The following SLC9B1 variants were observed in gnomAD, a reference collection of about 807,000 sequenced individuals.
SLC9B1 encodes the protein solute carrier family 9 member B1.
A neutral mutation model predicts 51.7 loss-of-function variants in SLC9B1; 32 were observed. That is an observed-to-expected ratio of 0.62 (90% CI 0.47 to 0.83). SLC9B1 has a LOEUF of 0.83. Ranked by LOEUF, SLC9B1 falls within the 40% of genes least tolerant of loss-of-function variation. The pLI, the probability that SLC9B1 is intolerant of heterozygous loss-of-function variation, is 0.00. For synonymous variants in SLC9B1, 145 were observed against 212.7 expected (o/e 0.68, Z 2.77); for missense variants, 406 against 613.2 (o/e 0.66, Z 3.57).
At chr4:102,902,627 A>T (rs1734843438) in intron 11 of SLC9B1, among the ~76,000 whole-genome samples, 1 of 152,354 alleles carries the variant, frequency 6.6e-6, no homozygotes, top group South Asian at 2.1e-4. Context: ...GGCATTCATC[A>T]TATGGCAGGT....
chr4:102,907,721 C>T (rs1221603344), intron 9 of SLC9B1, among the ~76,000 whole-genome samples: 1 of 152,078 alleles, frequency 6.6e-6, no homozygotes, highest in Admixed American at 6.6e-5. Flanking sequence ...ACTTTGATGT[C>T]TCTTCCTTGA....
At chr4:102,960,010 GA>G (rs1397819687) in intron 3 of SLC9B1, among the ~76,000 whole-genome samples, 2 of 149,468 alleles carry the variant, frequency 1.3e-5, no homozygotes, top group African/African-American at 2.5e-5. Context: ...TTTTTTAAAA[GA>G]AAAACAAAAC....
chr4:102,918,253 T>A (rs1735688692), intron 7 of SLC9B1, among the ~76,000 whole-genome samples: 1 of 151,914 alleles, frequency 6.6e-6, no homozygotes, highest in African/African-American at 2.4e-5. Context: ...ATAAAAAGGA[T>A]TCTAAGAGTC....
At chr4:102,894,690 C>T (rs1361559563) in intron 11 of SLC9B1, among the ~76,000 whole-genome samples, 2 of 152,188 alleles carry the variant, frequency 1.3e-5, no homozygotes, top group South Asian at 2.1e-4. Context: ...GGCGCAGTGG[C>T]TCATACCTGT....
intron 6 of SLC9B1, among the ~76,000 whole-genome samples, chr4:102,933,643 A>C (rs1736570760): frequency 6.6e-6 from 1 of 152,186 alleles, no homozygotes; most frequent in African/African-American, 2.4e-5. Flanking sequence ...AAGTTTACTC[A>C]TGTAGCTATT....
chr4:102,955,079 A>G (rs1737715773), intron 3 of SLC9B1, among the ~76,000 whole-genome samples: 1 of 152,152 alleles, frequency 6.6e-6, no homozygotes, highest in African/African-American at 2.4e-5. Context: ...GCTCCCTGAT[A>G]TGGTTTGGCT....
chr4:102,971,028 C>T (rs911218298), intron 3 of SLC9B1, among the ~76,000 whole-genome samples: 4 of 152,114 alleles, frequency 2.6e-5, no homozygotes, highest in African/African-American at 7.2e-5. Flanking sequence ...GACATCCACA[C>T]AATAATAATG....
chr4:103,010,267 G>C (rs1741025847), intron 1 of SLC9B1, among the ~76,000 whole-genome samples: 1 of 151,954 alleles, frequency 6.6e-6, no homozygotes, highest in African/African-American at 2.4e-5. Flanking sequence ...GGGCCTTCTT[G>C]TTCCATTCTC....
intron 2 of SLC9B1, among the ~76,000 whole-genome samples, chr4:102,990,505 G>A (rs1739889841): frequency 6.6e-6 from 1 of 151,814 alleles, no homozygotes; most frequent in South Asian, 2.1e-4. Context: ...TGAAACTGCT[G>A]ATTTTGAAAA....
chr4:102,919,271 C>T (rs1289067007), intron 7 of SLC9B1, among the ~76,000 whole-genome samples: 2 of 152,184 alleles, frequency 1.3e-5, no homozygotes, highest in Admixed American at 6.5e-5. Flanking sequence ...CATCATAAGG[C>T]TGCAAATCTT....
chr4:102,925,823 T>C (rs1055314134), intron 7 of SLC9B1, among the ~76,000 whole-genome samples: 7 of 152,132 alleles, frequency 4.6e-5, no homozygotes, highest in Non-Finnish European at 8.8e-5. Context: ...ATATCCCTGA[T>C]GAACATCGAT....
rs755716303 is a variant in SLC9B1, at chr4:102,906,617, C to T, written c.1114G>A (p.Val372Ile). The T allele has an allele frequency of 6.3e-6, 10 of 1,587,146 alleles. No individual in the cohort carries two copies. The South Asian group carries it at 8.9e-5, about 14-fold the overall frequency. Residue 372 changes from valine (V) to isoleucine (I), a missense_variant, in exon 10 of 12, where the codon GTA becomes ATA. This residue lies in a region of SLC9B1 where 250 missense variants were observed against 394.1 expected (regional missense o/e 0.63). Coordinates refer to ENST00000296422, the MANE Select transcript of SLC9B1 (RefSeq NM_139173.4). ...AGAAGTGGTTGAAAAATATCCCATA[C>T]AGTCGTAATAATCTTTTGGACTTTC... ...KMKVQKIITT[V>I]WDIFQPLLFG...
intron 6 of SLC9B1, among the ~76,000 whole-genome samples, chr4:102,933,021 C>A (rs931538435): frequency 6.6e-6 from 1 of 152,216 alleles, no homozygotes; most frequent in Non-Finnish European, 1.5e-5. Context: ...CGAATACCTT[C>A]TATTGACATA....
At chr4:102,971,590 A>G (rs1738763054) in intron 3 of SLC9B1, among the ~76,000 whole-genome samples, 2 of 152,196 alleles carry the variant, frequency 1.3e-5, no homozygotes, top group Admixed American at 1.3e-4. Flanking sequence ...TAGAGAAGCA[A>G]GAGCACACAA....
At position 102,945,203 on chromosome 4, in the gene SLC9B1, A is replaced by G. The variant is rs368038580; in HGVS notation, c.643T>C (p.Phe215Leu). 6.2e-7 allele frequency: 1 copy of G among 1,602,574 alleles called. No homozygotes were observed. Among genetic ancestry groups the G allele is most frequent in the African/African-American group, 1.3e-5 (1 of 74,746 alleles). Residue 215 changes from phenylalanine to leucine, a missense_variant, in exon 6 of 12, where the codon TTT becomes CTT. By Grantham distance (22) the Phe-to-Leu change is conservative (BLOSUM62 0). Transcript: ENST00000296422. ...FIMKFPWQWAFLLGFVLGAVS... is the reference protein window; with the variant it reads ...FIMKFPWQWALLLGFVLGAVS... Reference sequence around the variant, plus strand: ...TGAGAAAGAAATTACCCTAATAGAAATGCCCATTGCCAGGGAAATTTCATA... The same window carrying G: ...TGAGAAAGAAATTACCCTAATAGAAGTGCCCATTGCCAGGGAAATTTCATA...
intron 11 of SLC9B1, chr4:102,888,788 G>A (rs1734073971): frequency 6.6e-6 from 1 of 152,208 alleles, no homozygotes; most frequent in Non-Finnish European, 1.5e-5. Context: ...GCTCTGTAGG[G>A]AATCCTTTCT....
intron 3 of SLC9B1, among the ~76,000 whole-genome samples, chr4:102,955,925 G>A (rs1560950298): frequency 6.6e-6 from 1 of 152,014 alleles, no homozygotes; most frequent in Non-Finnish European, 1.5e-5. Context: ...CACATGCAAG[G>A]CTAGAGTTTT....
intron 1 of SLC9B1, 83 bp from the exon 2 acceptor site, chr4:102,991,795 AT>A: frequency 7.3e-6 from 7 of 953,766 alleles, no homozygotes; most frequent in South Asian, 1.9e-5. Flanking sequence ...AGTGGGATTA[AT>A]TTTTTAAAGG....
At chr4:102,918,199 C>A (rs1286183078) in intron 7 of SLC9B1, among the ~76,000 whole-genome samples, 1 of 150,932 alleles carries the variant, frequency 6.6e-6, no homozygotes, top group Non-Finnish European at 1.5e-5. Flanking sequence ...GACTCAACTT[C>A]TTTTAGGAAC....
Sources: gnomAD v4.1 joint callset for allele counts (sites outside exome capture counted in the v4.1 genomes callset) on GRCh38, gnomAD v4.1.1 for gene constraint, gnomAD v4.1.1 regional missense constraint, MANE v1.5 for transcripts, NCBI Gene and HGNC (gene_info 2026-07-23, HGNC 2026-07-21) for gene names.